The following SLC35F1 variants were observed in gnomAD, a reference collection of about 807,000 sequenced individuals.
The protein encoded by SLC35F1 is chromosome 6 open reading frame 169.
Under a neutral mutation model 48.7 loss-of-function variants are expected in SLC35F1, and 14 were observed. The ratio of observed to expected loss-of-function variants is 0.29; its 90% CI spans 0.19 to 0.45. The LOEUF (loss-of-function observed/expected upper bound fraction) is 0.45, where lower values mean the gene tolerates loss of function less well. Ranked by LOEUF, SLC35F1 falls within the 20% of genes least tolerant of loss-of-function variation. The pLI, the probability that SLC35F1 is intolerant of heterozygous loss-of-function variation, is 1.00. For synonymous variants in SLC35F1, 190 were observed against 202.2 expected, an observed-to-expected ratio of 0.94 and a Z score of 0.51; for missense variants, 404 against 500.0, an observed-to-expected ratio of 0.81 and a Z score of 1.83.
intron 1 of SLC35F1, among the ~76,000 whole-genome samples, chr6:118,065,123 G>C (rs1193434421): frequency 6.6e-6 from 1 of 152,142 alleles, no homozygotes; most frequent in Non-Finnish European, 1.5e-5. Context: ...GTAAAATTCT[G>C]TGCCTCTAGC....
intron 1 of SLC35F1, among the ~76,000 whole-genome samples, chr6:118,137,170 C>T (rs531335727): frequency 6.6e-6 from 1 of 152,044 alleles, no homozygotes; most frequent in Non-Finnish European, 1.5e-5. Flanking sequence ...TCTTTTCTGC[C>T]CCTTCCACAT....
chr6:118,152,459 G>C (rs945026254), intron 1 of SLC35F1, among the ~76,000 whole-genome samples: 13 of 152,274 alleles, frequency 8.5e-5, no homozygotes, highest in South Asian at 6.2e-4. Flanking sequence ...TCTTCAATTA[G>C]GCAGCAATCT....
Position 117,910,114 on chromosome 6 carries a change from A to G in SLC35F1, c.173+2215A>G, listed in dbSNP as rs188468163. ...GTAAGGAGACTGAAAAATCTGAGCA[A>G]GTTTTAAAATCTCAATGGCATAATT... On this transcript the variant is annotated intron_variant, in intron 1 of 7. Coordinates refer to ENST00000360388, the MANE Select transcript of SLC35F1 (RefSeq NM_001029858.4). Among the ~76,000 whole-genome samples, 11 of 152,328 alleles carry G rather than the reference A, an allele frequency of 7.2e-5. No homozygotes were observed. The East Asian group carries it at 2.1e-3, about 29-fold the overall frequency.
intron 1 of SLC35F1, 40 bp from the exon 2 acceptor site, chr6:118,154,405 C>T (rs745958293): frequency 1.3e-6 from 2 of 1,567,388 alleles, no homozygotes; most frequent in African/African-American, 2.7e-5. Flanking sequence ...AATGGGCTTC[C>T]TGCTGACCTT....
chr6:118,247,906 T>G (rs1775528650), intron 3 of SLC35F1, among the ~76,000 whole-genome samples: 1 of 152,240 alleles, frequency 6.6e-6, no homozygotes, highest in African/African-American at 2.4e-5. Context: ...TCTTTATAAT[T>G]TATCCTTCAT....
intron 3 of SLC35F1, among the ~76,000 whole-genome samples, chr6:118,242,112 T>C (rs374284962): frequency 1.7e-4 from 26 of 152,366 alleles, no homozygotes; most frequent in African/African-American, 6.0e-4. Context: ...CTGGGTCATA[T>C]GGTAAGTGCA....
At chr6:118,040,592 A>T (rs1772199677) in intron 1 of SLC35F1, among the ~76,000 whole-genome samples, 1 of 152,132 alleles carries the variant, frequency 6.6e-6, no homozygotes, top group Non-Finnish European at 1.5e-5. Flanking sequence ...CAGTGTTTCC[A>T]TAGTCAAATT....
intron 1 of SLC35F1, among the ~76,000 whole-genome samples, chr6:118,003,410 C>T (rs1777131856): frequency 6.6e-6 from 1 of 152,212 alleles, no homozygotes; most frequent in Non-Finnish European, 1.5e-5. Flanking sequence ...CTGGTTGGTT[C>T]TGGTCCTGGT....
chr6:117,979,652 CAG>C (rs1776749806), intron 1 of SLC35F1, among the ~76,000 whole-genome samples: 2 of 152,282 alleles, frequency 1.3e-5, no homozygotes, highest in African/African-American at 4.8e-5. Context: ...TCTTAAAGCA[CAG>C]AGAGTTAAAA....
intron 1 of SLC35F1, among the ~76,000 whole-genome samples, chr6:117,964,435 G>A (rs186000838): frequency 3.3e-5 from 5 of 152,204 alleles, no homozygotes; most frequent in African/African-American, 1.2e-4. Context: ...TTGGAGGTGG[G>A]ACCTAAACTA....
intron 4 of SLC35F1, among the ~76,000 whole-genome samples, chr6:118,271,767 A>G (rs1775855078): frequency 6.6e-6 from 1 of 152,232 alleles, no homozygotes; most frequent in African/African-American, 2.4e-5. Flanking sequence ...GATTGGAATC[A>G]AGGAGCAATC....
chr6:118,004,694 T>C (rs868507596), intron 1 of SLC35F1, among the ~76,000 whole-genome samples: 4 of 152,174 alleles, frequency 2.6e-5, no homozygotes, highest in Non-Finnish European at 5.9e-5. Context: ...CCTGAGTAGC[T>C]GAGACTACAG....
At chr6:118,215,671 T>G (rs1775062377) in intron 2 of SLC35F1, among the ~76,000 whole-genome samples, 2 of 152,238 alleles carry the variant, frequency 1.3e-5, no homozygotes, top group Admixed American at 1.3e-4. Flanking sequence ...ATACTTTTAT[T>G]AATGTAAAAT....
chr6:118,014,383 A>G (rs981573748), intron 1 of SLC35F1, among the ~76,000 whole-genome samples: 6 of 152,194 alleles, frequency 3.9e-5, no homozygotes, highest in Non-Finnish European at 8.8e-5. Flanking sequence ...CCTGTGAGAA[A>G]TGGTGGGCTC....
At chr6:118,218,385 T>C (rs932122987) in intron 2 of SLC35F1, among the ~76,000 whole-genome samples, 2 of 152,110 alleles carry the variant, frequency 1.3e-5, no homozygotes, top group African/African-American at 4.8e-5. Context: ...TCCGTTGAAG[T>C]CAGATCTAAA....
intron 2 of SLC35F1, among the ~76,000 whole-genome samples, chr6:118,232,136 G>T (rs1487576354): frequency 6.6e-6 from 1 of 152,064 alleles, no homozygotes; most frequent in Non-Finnish European, 1.5e-5. Context: ...ATGCACTGTG[G>T]GATCTGGGAA....
intron 1 of SLC35F1, among the ~76,000 whole-genome samples, chr6:117,946,091 A>G (rs552401590): frequency 1.3e-5 from 2 of 152,184 alleles, no homozygotes; most frequent in Admixed American, 6.5e-5. Context: ...AATAAAAGGA[A>G]AATGAACTGG....
chr6:118,215,340 T>A (rs970887036), intron 2 of SLC35F1, among the ~76,000 whole-genome samples: 1 of 152,046 alleles, frequency 6.6e-6, no homozygotes. Flanking sequence ...TTAAAATGTA[T>A]GTGAGAAAAG....
chr6:118,142,733 G>A (rs1291190236), intron 1 of SLC35F1, among the ~76,000 whole-genome samples: 2 of 152,118 alleles, frequency 1.3e-5, no homozygotes, highest in Non-Finnish European at 2.9e-5. Context: ...GGATTTCGAT[G>A]TAATTTTGAG....
Sources: allele counts gnomAD v4.1 joint callset (sites outside exome capture counted in the v4.1 genomes callset), GRCh38; gene constraint gnomAD v4.1.1; transcripts MANE v1.5; gene names NCBI Gene and HGNC (gene_info 2026-07-23, HGNC 2026-07-21).